Variants in PRDM5 observed in about 807,000 individuals in gnomAD.
The protein encoded by PRDM5 is PR/SET domain 5.
A neutral mutation model predicts 81.2 loss-of-function variants in PRDM5; 56 were observed. That is an observed-to-expected ratio of 0.69 (90% CI 0.56 to 0.86). The LOEUF is 0.86. PRDM5 is among the 40% of genes least tolerant of loss of function. The pLI is 0.00. For synonymous variants in PRDM5, 267 were observed against 256.4 expected, an observed-to-expected ratio of 1.04 and a Z score of -0.39; for missense variants, 697 against 770.1, an observed-to-expected ratio of 0.91 and a Z score of 1.12.
intron 15 of PRDM5, among the ~76,000 whole-genome samples, chr4:120,710,067 G>A (rs1223767647): frequency 6.6e-6 from 1 of 152,128 alleles, no homozygotes; most frequent in Non-Finnish European, 1.5e-5. Context: ...GTACAAGCAT[G>A]TCTAAAAGAA....
Position 120,922,662 on chromosome 4 carries a change from C to T in PRDM5, c.-54G>A. 1.3e-6 allele frequency: 2 copies of T among 1,560,992 alleles called. No homozygotes were observed. The highest frequency in any genetic ancestry group is 1.7e-6 in the Non-Finnish European group (2 of 1,152,322). On this transcript the variant is annotated 5_prime_UTR_variant, in exon 1 of 16. Coordinates refer to ENST00000264808, the MANE Select transcript of PRDM5 (RefSeq NM_018699.4). ...CTCAACACCGGCGCTTAGCGCCCGG[C>T]AGGCGGCACATCGAAATTTGGGGTG... is the stretch of plus-strand genomic sequence containing the variant.
intron 1 of PRDM5, among the ~76,000 whole-genome samples, chr4:120,915,958 G>A (rs1340364897): frequency 1.3e-5 from 2 of 152,164 alleles, no homozygotes; most frequent in African/African-American, 4.8e-5. Flanking sequence ...AGTCCACTGT[G>A]GGGAGAAGAA....
chr4:120,700,673 T>C (rs1735209051), intron 15 of PRDM5, among the ~76,000 whole-genome samples: 1 of 152,168 alleles, frequency 6.6e-6, no homozygotes, highest in Non-Finnish European at 1.5e-5. Flanking sequence ...TGCACTACTG[T>C]ATTTATATAT....
At chr4:120,723,434 A>G (rs1738909049) in intron 14 of PRDM5, among the ~76,000 whole-genome samples, 1 of 151,728 alleles carries the variant, frequency 6.6e-6, no homozygotes, top group Non-Finnish European at 1.5e-5. Context: ...ATGGGAAATT[A>G]CTTCTTTCCC....
intron 5 of PRDM5, 37 bp from the exon 6 acceptor site, chr4:120,816,961 CA>C (rs1460775373): frequency 2.7e-6 from 4 of 1,509,410 alleles, no homozygotes; most frequent in Non-Finnish European, 3.7e-6. Context: ...GAAAAGAAAA[CA>C]AAAACTGGAA....
At chr4:120,916,287 T>C (rs937431774) in intron 1 of PRDM5, among the ~76,000 whole-genome samples, 3 of 152,016 alleles carry the variant, frequency 2.0e-5, no homozygotes, top group South Asian at 4.1e-4. Flanking sequence ...CTCAGGAGGC[T>C]GAGGCAGGAG....
intron 3 of PRDM5, among the ~76,000 whole-genome samples, chr4:120,832,726 T>C (rs755364299): frequency 1.1e-4 from 17 of 152,058 alleles, no homozygotes; most frequent in African/African-American, 2.9e-4. Context: ...AGTAAGACAG[T>C]AAAGGCAAGA....
chr4:120,721,034 G>A (rs1738521601), intron 14 of PRDM5, among the ~76,000 whole-genome samples: 1 of 152,148 alleles, frequency 6.6e-6, no homozygotes. Context: ...CCACTCTGAG[G>A]CCCACAGAAT....
At chr4:120,706,710 T>TA (rs1170331099) in intron 15 of PRDM5, among the ~76,000 whole-genome samples, 9 of 17,708 alleles carry the variant, frequency 5.1e-4, no homozygotes, top group East Asian at 3.8e-3. Flanking sequence ...CAAAACTGGT[T>TA]TTATATATAT....
chr4:120,800,642 G>A (rs545014377), intron 8 of PRDM5, among the ~76,000 whole-genome samples: 15 of 151,986 alleles, frequency 9.9e-5, no homozygotes, highest in South Asian at 2.1e-4. Context: ...TGTATAACAC[G>A]AAGATTACAA....
At chr4:120,776,062 G>A (rs1165951996) in intron 13 of PRDM5, among the ~76,000 whole-genome samples, 2 of 151,842 alleles carry the variant, frequency 1.3e-5, no homozygotes, top group African/African-American at 4.8e-5. Flanking sequence ...TTTCATTTTG[G>A]GGCTCTCTGC....
chr4:120,855,560 T>G (rs1759777143), intron 2 of PRDM5, among the ~76,000 whole-genome samples: 1 of 152,188 alleles, frequency 6.6e-6, no homozygotes, highest in Non-Finnish European at 1.5e-5. Flanking sequence ...GAATGTACAC[T>G]CTACACCTCT....
chr4:120,802,055 C>A (rs186224595), intron 8 of PRDM5, among the ~76,000 whole-genome samples: 3 of 152,184 alleles, frequency 2.0e-5, no homozygotes, highest in Admixed American at 1.3e-4. Flanking sequence ...AAACATTGTT[C>A]ATTTGTTTCA....
chr4:120,870,044 T>C (rs141073598), intron 2 of PRDM5, among the ~76,000 whole-genome samples: 5 of 148,324 alleles, frequency 3.4e-5, no homozygotes, highest in African/African-American at 1.2e-4. Flanking sequence ...GAGGAGGACA[T>C]AGGAGGAAGA....
Position 120,710,493 on chromosome 4 carries a change from T to C in PRDM5, c.1624-80A>G, listed in dbSNP as rs1278393290. ...GTCCTCCATATTCAGGTGTGTGTTA[T>C]GGGATCCACAGAATACTGCAGCAAA... On this transcript the variant is annotated intron_variant, in intron 14 of 15. Transcript: ENST00000264808. 5 of 1,158,096 alleles carry C rather than the reference T, an allele frequency of 4.3e-6. No homozygotes were observed. The Admixed American group carries it at 5.4e-5, about 12-fold the overall frequency. The allele number at this position is 1,158,096 out of a possible 1,614,324, so 71.7% of individuals were successfully genotyped here.
intron 14 of PRDM5, among the ~76,000 whole-genome samples, chr4:120,727,303 A>ATG (rs34504620): frequency 0.47 from 71,432 of 150,668 alleles, 17,331 homozygotes; most frequent in East Asian, 0.66. Context: ...GTATGTATAT[A>ATG]TGTGTGTGTG....
intron 13 of PRDM5, chr4:120,762,620 T>G (rs545314880): frequency 6.6e-6 from 1 of 152,316 alleles, no homozygotes; most frequent in East Asian, 1.9e-4. Flanking sequence ...CTTCAATTTA[T>G]GGAGTTTCTA....
intron 2 of PRDM5, among the ~76,000 whole-genome samples, chr4:120,894,426 T>G (rs1764395529): frequency 6.6e-6 from 1 of 152,224 alleles, no homozygotes; most frequent in African/African-American, 2.4e-5. Flanking sequence ...CCATCAGGAT[T>G]CCTTTTCCTT....
At chr4:120,734,568 G>C in intron 14 of PRDM5, among the ~76,000 whole-genome samples, 1 of 152,178 alleles carries the variant, frequency 6.6e-6, no homozygotes, top group East Asian at 1.9e-4. Flanking sequence ...AAAACTGCAA[G>C]ATTCAGACAG....
Sources: allele counts gnomAD v4.1 joint callset (sites outside exome capture counted in the v4.1 genomes callset), GRCh38; gene constraint gnomAD v4.1.1; transcripts MANE v1.5; gene names NCBI Gene and HGNC (gene_info 2026-07-23, HGNC 2026-07-21).